PDE4D: variants seen among roughly 807,000 people sequenced by gnomAD.
PDE4D encodes the protein phosphodiesterase 4D.
A neutral mutation model predicts 87.4 loss-of-function variants in PDE4D; 24 were observed. The observed-to-expected ratio is 0.27, with a 90% confidence interval of 0.20 to 0.39. The LOEUF (loss-of-function observed/expected upper bound fraction) is 0.39. Ranked by LOEUF, PDE4D falls within the 10% of genes least tolerant of loss-of-function variation. PDE4D has a pLI of 1.00. For synonymous variants in PDE4D, 384 were observed against 383.2 expected (o/e 1.00, Z -0.02); for missense variants, 714 against 1,041.0 (o/e 0.69, Z 4.32).
intron 5 of PDE4D, among the ~76,000 whole-genome samples, chr5:59,121,914 C>T (rs746706795): frequency 3.3e-5 from 5 of 152,116 alleles, no homozygotes; most frequent in South Asian, 2.1e-4. Context: ...GAGGCCGAGA[C>T]GGGCGGATCA....
rs184362865 is a variant in PDE4D, at chr5:59,642,802, G to A, written c.455+250366C>T. 2.8e-3 allele frequency among the ~76,000 whole-genome samples: 368 copies of A among 131,716 alleles called. 1 individual carries two copies. The highest frequency in any genetic ancestry group is 8.0e-3 in the Middle Eastern group (2 of 250). The allele number at this position is 131,716 out of a possible 152,430, so 86.4% of individuals were successfully genotyped here. A position where few individuals can be genotyped will look rare whatever the true frequency, so the allele number is the denominator to read the frequency against. ...TAGAGTCATTCTATAACCACGAGAAGTCTTATAAAAAATTTGTTCATCTGA... is the reference window on the plus strand; with the variant it reads ...TAGAGTCATTCTATAACCACGAGAAATCTTATAAAAAATTTGTTCATCTGA... On this transcript the variant is annotated intron_variant, in intron 1 of 14. Coordinates refer to ENST00000340635, the MANE Select transcript of PDE4D (RefSeq NM_001104631.2).
chr5:60,247,241 A>T (rs78422363), intron 1 of PDE4D, among the ~76,000 whole-genome samples: 2 of 151,986 alleles, frequency 1.3e-5, no homozygotes, highest in East Asian at 3.9e-4. Context: ...CACAGTATCA[A>T]TTCAAGTGTT....
intron 3 of PDE4D, among the ~76,000 whole-genome samples, chr5:59,943,907 C>A (rs1391062365): frequency 1.3e-5 from 2 of 152,122 alleles, no homozygotes; most frequent in Non-Finnish European, 2.9e-5. Flanking sequence ...ACCCCAGGGA[C>A]TATTATGGCA....
In PDE4D at chr5:59,698,253, T is replaced by G. The variant is rs150699223; in HGVS notation, c.455+194915A>C. 6.9e-3 allele frequency among the ~76,000 whole-genome samples: 1,054 copies of G among 152,190 alleles called. 10 individuals are homozygous for G. The highest frequency in any genetic ancestry group is 0.011 in the Non-Finnish European group (762 of 67,994). ...AGGGACAAGATAAAGTCTGCCATGT[T>G]TTTCAAACAGCAAAATGTTGGTTGG... is the stretch of plus-strand genomic sequence containing the variant. On this transcript the variant is annotated intron_variant, in intron 1 of 14. Coordinates refer to ENST00000340635, the MANE Select transcript of PDE4D (RefSeq NM_001104631.2).
chr5:59,670,860 C>A (rs955272674), intron 1 of PDE4D, among the ~76,000 whole-genome samples: 1 of 151,462 alleles, frequency 6.6e-6, no homozygotes, highest in African/African-American at 2.4e-5. Context: ...AAATAGATGG[C>A]GGTCTTGCTG....
chr5:60,203,895 A>G (rs1742200328), intron 1 of PDE4D, among the ~76,000 whole-genome samples: 1 of 152,220 alleles, frequency 6.6e-6, no homozygotes, highest in Non-Finnish European at 1.5e-5. Flanking sequence ...CTGAGTACTA[A>G]CAAAGTTAAT....
chr5:59,375,173 A>G (rs1008239102), intron 1 of PDE4D, among the ~76,000 whole-genome samples: 5 of 152,214 alleles, frequency 3.3e-5, no homozygotes, highest in South Asian at 2.1e-4. Flanking sequence ...ATGACAAGAA[A>G]TAACCAAAAT....
chr5:59,643,775 T>C (rs1368729368), intron 1 of PDE4D, among the ~76,000 whole-genome samples: 1 of 152,238 alleles, frequency 6.6e-6, no homozygotes, highest in Admixed American at 6.5e-5. Context: ...CCAAATGTAG[T>C]AAATTACTTT....
In PDE4D at chr5:59,442,680, T is replaced by A. The variant is rs375085141; in HGVS notation, c.456-226712A>T. Among the ~76,000 whole-genome samples the A allele has an allele frequency of 3.1e-4, 47 of 152,324 alleles. 1 individual carries two copies. The highest frequency in any genetic ancestry group is 1.1e-3 in the African/African-American group (45 of 41,574). On this transcript the variant is annotated intron_variant, in intron 1 of 14. Transcript: ENST00000340635. ...TAGGAAATATAAAAGTATGTGATTT[T>A]AAAGAAAAGCAGAGGGAATAGGTGC...
chr5:60,369,341 A>C (rs1477268212), intron 1 of PDE4D, among the ~76,000 whole-genome samples: 1 of 152,078 alleles, frequency 6.6e-6, no homozygotes, highest in Non-Finnish European at 1.5e-5. Flanking sequence ...CACCAGAACA[A>C]GGGGTACCAT....
chr5:59,444,561 T>C (rs1036774246), intron 1 of PDE4D, among the ~76,000 whole-genome samples: 26 of 152,004 alleles, frequency 1.7e-4, no homozygotes, highest in Non-Finnish European at 2.9e-4. Context: ...GCCTGTAATC[T>C]CAGCACTTTG....
At chr5:59,436,574 TC>T (rs1380454476) in intron 1 of PDE4D, among the ~76,000 whole-genome samples, 1 of 152,180 alleles carries the variant, frequency 6.6e-6, no homozygotes, top group Non-Finnish European at 1.5e-5. Flanking sequence ...TTGTATGTCT[TC>T]TTCGAAGTTA....
At chr5:60,292,059 G>A (rs902828069) in intron 1 of PDE4D, among the ~76,000 whole-genome samples, 7 of 152,236 alleles carry the variant, frequency 4.6e-5, no homozygotes, top group Middle Eastern at 6.8e-3. Context: ...TATAACGTCA[G>A]ACTCTGTGTG....
chr5:60,493,969 A>G (rs1189185283), intron 1 of PDE4D, among the ~76,000 whole-genome samples: 4 of 152,230 alleles, frequency 2.6e-5, no homozygotes, highest in East Asian at 3.8e-4. Flanking sequence ...TTTAACAAAA[A>G]AAATGCTTTA....
chr5:59,104,879 C>T (rs1171267565), intron 5 of PDE4D, among the ~76,000 whole-genome samples: 1 of 152,166 alleles, frequency 6.6e-6, no homozygotes, highest in African/African-American at 2.4e-5. Flanking sequence ...TTACTGCAAA[C>T]ATAAGGAATC....
intron 1 of PDE4D, among the ~76,000 whole-genome samples, chr5:59,325,605 A>G (rs1252111355): frequency 6.6e-6 from 1 of 152,190 alleles, no homozygotes; most frequent in Non-Finnish European, 1.5e-5. Flanking sequence ...ATTGGCAGAC[A>G]GTTCAAGCTC....
intron 3 of PDE4D, among the ~76,000 whole-genome samples, chr5:59,951,072 A>G (rs1758246745): frequency 6.6e-6 from 1 of 152,116 alleles, no homozygotes; most frequent in Non-Finnish European, 1.5e-5. Flanking sequence ...CCTCACAACA[A>G]ACCTGCGTAA....
At chr5:59,687,265 A>T (rs1158838205) in intron 1 of PDE4D, among the ~76,000 whole-genome samples, 1 of 152,150 alleles carries the variant, frequency 6.6e-6, no homozygotes, top group East Asian at 1.9e-4. Context: ...CAACTCCAAG[A>T]CACATAATTT....
At chr5:59,925,899 A>G (rs1373472348) in intron 3 of PDE4D, among the ~76,000 whole-genome samples, 1 of 152,140 alleles carries the variant, frequency 6.6e-6, no homozygotes, top group Non-Finnish European at 1.5e-5. Context: ...AGAGAGGTAG[A>G]CCCCAATACA....
Sources: allele counts gnomAD v4.1 joint callset (sites outside exome capture counted in the v4.1 genomes callset), GRCh38; gene constraint gnomAD v4.1.1; transcripts MANE v1.5; gene names NCBI Gene and HGNC (gene_info 2026-07-23, HGNC 2026-07-21).